The following SEMA3C variants were observed in gnomAD, a reference collection of about 807,000 sequenced individuals.
The protein encoded by SEMA3C is semaphorin 3C, also known as semaphorin-3C.
SEMA3C carries 47 observed loss-of-function variants against 89.4 expected under a neutral mutation model. The ratio of observed to expected loss-of-function variants is 0.53; its 90% CI spans 0.42 to 0.67. The LOEUF (loss-of-function observed/expected upper bound fraction) is 0.67. SEMA3C is among the 30% of genes least tolerant of loss of function. The pLI, the probability that SEMA3C is intolerant of heterozygous loss-of-function variation, is 0.00. For synonymous variants in SEMA3C, 310 were observed against 320.2 expected (o/e 0.97, Z 0.34); for missense variants, 839 against 929.1 (o/e 0.90, Z 1.26).
rs2116260550 is a variant in SEMA3C at position 80,916,811 on chromosome 7, G to A, written c.-30C>T. On this transcript the variant is annotated 5_prime_UTR_variant, in exon 2 of 18. Transcript: ENST00000265361. The stretch of plus-strand genomic sequence containing the variant: ...TCAGATATGCAAGTTAATATCCAAG[G>A]GAAAATACCTTTAAGAGAGAGACAA... 1 of 1,610,980 alleles carries A rather than the reference G, an allele frequency of 6.2e-7. No individual in the cohort carries two copies. The highest frequency in any genetic ancestry group is 2.2e-5 in the East Asian group (1 of 44,746).
intron 15 of SEMA3C, among the ~76,000 whole-genome samples, chr7:80,757,659 C>T: frequency 6.6e-6 from 1 of 152,100 alleles, no homozygotes; most frequent in Non-Finnish European, 1.5e-5. Flanking sequence ...GGTTTTAAGG[C>T]TACACTAAAG....
rs1788596742 is a variant in SEMA3C at position 80,778,245 on chromosome 7, T to C, written c.1354+11061A>G. Among the ~76,000 whole-genome samples the C allele has an allele frequency of 2.0e-5, 3 of 152,242 alleles. No individual in the cohort carries two copies. In the South Asian group the frequency reaches 6.2e-4, roughly 31 times the overall value. On this transcript the variant is annotated intron_variant, in intron 12 of 17. Transcript: ENST00000265361. ...ATTACATATCACATTTTAGTATTCC[T>C]GTTTCTTTACATTAAGAATTGTTTC...
intron 6 of SEMA3C, 63 bp from the exon 7 acceptor site, chr7:80,805,821 GTTTA>G (rs1276510807): frequency 4.0e-6 from 5 of 1,240,704 alleles, no homozygotes; most frequent in South Asian, 1.4e-5. Flanking sequence ...TTCTAGGTGA[GTTTA>G]TTTATTAGGA....
chr7:80,850,676 C>T (rs1583940107), intron 2 of SEMA3C, among the ~76,000 whole-genome samples: 1 of 152,138 alleles, frequency 6.6e-6, no homozygotes, highest in African/African-American at 2.4e-5. Context: ...GGTAGTTAGA[C>T]AAGTATGGTA....
At chr7:80,844,980 C>T (rs888040878) in intron 2 of SEMA3C, among the ~76,000 whole-genome samples, 2 of 152,084 alleles carry the variant, frequency 1.3e-5, no homozygotes, top group African/African-American at 2.4e-5. Flanking sequence ...TTCATGATCT[C>T]GCCGCTTGAG....
chr7:80,863,113 G>A (rs1267365323), intron 2 of SEMA3C, among the ~76,000 whole-genome samples: 1 of 151,950 alleles, frequency 6.6e-6, no homozygotes, highest in African/African-American at 2.4e-5. Context: ...AAAGGGTTTT[G>A]CACAGCAAAA....
chr7:80,873,753 T>C (rs1344008873), intron 2 of SEMA3C, among the ~76,000 whole-genome samples: 1 of 152,158 alleles, frequency 6.6e-6, no homozygotes, highest in Non-Finnish European at 1.5e-5. Context: ...AATGAGAAAA[T>C]CTTTGAATTG....
chr7:80,767,750 T>C (rs1788336249), intron 12 of SEMA3C, among the ~76,000 whole-genome samples: 1 of 152,110 alleles, frequency 6.6e-6, no homozygotes, highest in Non-Finnish European at 1.5e-5. Flanking sequence ...AACTGAATTG[T>C]ACAGGACTTT....
chr7:80,811,776 T>C (rs1223334750), intron 5 of SEMA3C, among the ~76,000 whole-genome samples: 2 of 152,054 alleles, frequency 1.3e-5, no homozygotes, highest in Admixed American at 6.6e-5. Context: ...TTCAGGAAAA[T>C]TGGTTAGTTT....
intron 2 of SEMA3C, among the ~76,000 whole-genome samples, chr7:80,875,063 G>A (rs1290045080): frequency 6.7e-6 from 1 of 150,108 alleles, no homozygotes; most frequent in African/African-American, 2.4e-5. Flanking sequence ...CAGCCTGGGC[G>A]ATGGAGCAAG....
At chr7:80,853,892 A>ATGTGTGTG (rs113692755) in intron 2 of SEMA3C, among the ~76,000 whole-genome samples, 15 of 148,862 alleles carry the variant, frequency 1.0e-4, no homozygotes, top group African/African-American at 3.7e-4. Flanking sequence ...CCCCATATAT[A>ATGTGTGTG]TGTGTGTGTG....
At chr7:80,847,040 T>C (rs1412306736) in intron 2 of SEMA3C, among the ~76,000 whole-genome samples, 1 of 152,126 alleles carries the variant, frequency 6.6e-6, no homozygotes, top group Non-Finnish European at 1.5e-5. Flanking sequence ...ACCCCACAAG[T>C]CTGAGTGTGC....
intron 2 of SEMA3C, among the ~76,000 whole-genome samples, chr7:80,870,034 C>G (rs541766411): frequency 6.6e-6 from 1 of 152,288 alleles, no homozygotes; most frequent in South Asian, 2.1e-4. Context: ...CTGTCTCTTT[C>G]TCAGGGTAAA....
intron 15 of SEMA3C, among the ~76,000 whole-genome samples, chr7:80,752,849 T>C (rs1038380795): frequency 2.6e-5 from 4 of 152,088 alleles, no homozygotes; most frequent in East Asian, 1.9e-4. Flanking sequence ...CCTAAATCGA[T>C]TGCTTACTAT....
At chr7:80,915,533 G>C (rs924156738) in intron 2 of SEMA3C, among the ~76,000 whole-genome samples, 37 of 152,082 alleles carry the variant, frequency 2.4e-4, no homozygotes, top group African/African-American at 8.4e-4. Flanking sequence ...CACAAGGTCA[G>C]GAGATCGAGA....
chr7:80,789,703 A>T (rs1346542395), intron 11 of SEMA3C, among the ~76,000 whole-genome samples, 175 bp from the exon 12 acceptor site: 1 of 152,220 alleles, frequency 6.6e-6, no homozygotes, highest in East Asian at 1.9e-4. Context: ...GTAGATGATT[A>T]GTACAGTGTG....
In SEMA3C at chr7:80,800,817, A is replaced by C; in HGVS notation, c.926T>G (p.Phe309Cys). 1 of 1,513,224 alleles carries C rather than the reference A, an allele frequency of 6.6e-7. No homozygotes were observed. Among genetic ancestry groups the C allele is most frequent in the Non-Finnish European group, 8.8e-7 (1 of 1,137,290 alleles). The allele number at this position is 1,513,224 out of a possible 1,614,324, so 93.7% of individuals were successfully genotyped here. Residue 309 changes from phenylalanine (F) to cysteine (C), a missense_variant, in exon 10 of 18, where the codon TTT becomes TGT. Phe to Cys is a radical substitution (Grantham distance 205). Transcript: ENST00000265361. ...ETHFDELEDV[F>C]LLETDNPRTT... is the part of the protein sequence containing the mutation. ...CCTCGGGTTATCAGTTTCCAGCAGA[A>C]ACACATCCTCTATAAAAAGGAAAAT...
intron 2 of SEMA3C, among the ~76,000 whole-genome samples, chr7:80,842,426 T>C (rs1241521731): frequency 1.3e-5 from 2 of 152,170 alleles, no homozygotes; most frequent in African/African-American, 2.4e-5. Context: ...TCAAGAAGAA[T>C]AGCAGAATAT....
chr7:80,873,007 T>C (rs1791107384), intron 2 of SEMA3C, among the ~76,000 whole-genome samples: 1 of 151,402 alleles, frequency 6.6e-6, no homozygotes, highest in Non-Finnish European at 1.5e-5. Flanking sequence ...TGAAAGATCC[T>C]GGGGGCTTCA....
Sources: gnomAD v4.1 joint callset for allele counts (sites outside exome capture counted in the v4.1 genomes callset) on GRCh38, gnomAD v4.1.1 for gene constraint, MANE v1.5 for transcripts, NCBI Gene and HGNC (gene_info 2026-07-23, HGNC 2026-07-21) for gene names.